The following DGKI variants were observed in gnomAD, a reference collection of about 807,000 sequenced individuals.
DGKI encodes the protein diacylglycerol kinase iota, also known as DAG kinase iota.
Under a neutral mutation model 147.5 loss-of-function variants are expected in DGKI, and 55 were observed. The ratio of observed to expected loss-of-function variants is 0.37; its 90% confidence interval spans 0.30 to 0.47. DGKI has a LOEUF of 0.47. DGKI is among the 20% of genes least tolerant of loss of function. The pLI is 1.00. For synonymous variants in DGKI, 469 were observed against 477.1 expected (o/e 0.98, Z 0.22); for missense variants, 1,007 against 1,323.8 (o/e 0.76, Z 3.71).
chr7:137,412,248 C>A, intron 28 of DGKI, 41 bp from the exon 29 acceptor site: 12 of 1,578,018 alleles, frequency 7.6e-6, no homozygotes, highest in Non-Finnish European at 1.0e-5. Context: ...AGTAGAAGAC[C>A]CTCTTATTAA....
chr7:137,421,300 T>C (rs985649284), intron 28 of DGKI, among the ~76,000 whole-genome samples: 8 of 152,256 alleles, frequency 5.3e-5, no homozygotes, highest in African/African-American at 1.9e-4. Flanking sequence ...CAAATCCATC[T>C]TAGATTGTGT....
chr7:137,423,048 T>C (rs1812643066), intron 28 of DGKI, among the ~76,000 whole-genome samples: 1 of 152,228 alleles, frequency 6.6e-6, no homozygotes, highest in African/African-American at 2.4e-5. Flanking sequence ...GTTCTAGTAC[T>C]CTGAAGGTCC....
chr7:137,672,644 C>A (rs1430210948), intron 3 of DGKI, among the ~76,000 whole-genome samples: 1 of 152,100 alleles, frequency 6.6e-6, no homozygotes, highest in East Asian at 1.9e-4. Context: ...AATTTCATGC[C>A]TGTCTCTTAG....
intron 3 of DGKI, among the ~76,000 whole-genome samples, chr7:137,659,485 A>C (rs889864333): frequency 6.6e-6 from 1 of 152,206 alleles, no homozygotes; most frequent in Admixed American, 6.5e-5. Context: ...GCAATTTTTC[A>C]TTTTTAAGTT....
In DGKI at chr7:137,799,327, G is replaced by T. The variant is rs1797126690; in HGVS notation, c.401+47135C>A. Reference sequence around the variant, plus strand: ...TAGGCCAATATACAGATAGAAAGTAGATTAGTGTTTGCCAGGGACTGTGGG... The same window carrying T: ...TAGGCCAATATACAGATAGAAAGTATATTAGTGTTTGCCAGGGACTGTGGG... On this transcript the variant is annotated intron_variant, in intron 1 of 32. Transcript: ENST00000614521. Among the ~76,000 whole-genome samples, 3 of 152,150 alleles carry T rather than the reference G, an allele frequency of 2.0e-5. No individual in the cohort carries two copies. In the South Asian group the frequency reaches 6.2e-4, roughly 32 times the overall value.
At chr7:137,395,220 C>T (rs1811505278) in intron 32 of DGKI, among the ~76,000 whole-genome samples, 1 of 152,152 alleles carries the variant, frequency 6.6e-6, no homozygotes, top group Non-Finnish European at 1.5e-5. Flanking sequence ...GGAGTAAGTA[C>T]TGAAGGAAAA....
chr7:137,681,937 C>A (rs1823251379), intron 2 of DGKI, among the ~76,000 whole-genome samples: 1 of 152,236 alleles, frequency 6.6e-6, no homozygotes, highest in Admixed American at 6.5e-5. Context: ...CAGGACCAAC[C>A]CCCACTTAAA....
chr7:137,642,916 T>C (rs1236402312), intron 6 of DGKI, among the ~76,000 whole-genome samples: 3 of 139,416 alleles, frequency 2.2e-5, no homozygotes, highest in Non-Finnish European at 3.1e-5. Context: ...TCCCAATGAG[T>C]AAATTATGGA....
chr7:137,445,348 C>T (rs887521800), intron 27 of DGKI, among the ~76,000 whole-genome samples: 4 of 152,200 alleles, frequency 2.6e-5, no homozygotes, highest in Non-Finnish European at 4.4e-5. Flanking sequence ...TAGACTTTTT[C>T]ATGAAAACTA....
At chr7:137,679,807 G>C (rs1040483313) in intron 2 of DGKI, among the ~76,000 whole-genome samples, 1 of 151,790 alleles carries the variant, frequency 6.6e-6, no homozygotes, top group African/African-American at 2.4e-5. Context: ...GGCCAACATG[G>C]TGAAACCTCA....
intron 21 of DGKI, among the ~76,000 whole-genome samples, chr7:137,517,111 G>A (rs1200124841): frequency 6.6e-6 from 1 of 150,722 alleles, no homozygotes; most frequent in Non-Finnish European, 1.5e-5. Context: ...GTAATTATGA[G>A]TAAAACAACA....
intron 8 of DGKI, among the ~76,000 whole-genome samples, chr7:137,610,078 T>G (rs1820315221): frequency 1.3e-5 from 2 of 152,078 alleles, no homozygotes; most frequent in African/African-American, 4.8e-5. Context: ...CTTAGTTTAC[T>G]CTTTTGGTAA....
At chr7:137,411,802 G>T (rs118097378) in intron 29 of DGKI, among the ~76,000 whole-genome samples, 303 of 152,320 alleles carry the variant, frequency 2.0e-3, no homozygotes, top group Non-Finnish European at 3.8e-3. Context: ...GACAAGGAAA[G>T]ATTAATCTCT....
chr7:137,531,748 C>T lies in DGKI; in HGVS notation c.2148-9782G>A, dbSNP rs562976345. Among the ~76,000 whole-genome samples, 6 of 152,288 alleles carry T rather than the reference C, an allele frequency of 3.9e-5. No individual in the cohort carries two copies. The South Asian group carries it at 1.2e-3, about 32-fold the overall frequency. On this transcript the variant is annotated intron_variant, in intron 20 of 32. Coordinates refer to ENST00000614521, the MANE Select transcript of DGKI (RefSeq NM_001321708.2). ...TTCTTATTTGCAACCGATAAATTCA[C>T]TTTCGTTGCTAAAAAAGGGTGTGGA...
chr7:137,533,882 T>C (rs1817427651), intron 20 of DGKI, among the ~76,000 whole-genome samples: 2 of 152,308 alleles, frequency 1.3e-5, no homozygotes, highest in Admixed American at 1.3e-4. Flanking sequence ...GCTATAACTT[T>C]GGAACTTGGT....
At chr7:137,717,642 T>C (rs1795192562) in intron 1 of DGKI, among the ~76,000 whole-genome samples, 1 of 152,210 alleles carries the variant, frequency 6.6e-6, no homozygotes, top group Admixed American at 6.5e-5. Flanking sequence ...TTATTTCTAA[T>C]ATTTGCATAT....
intron 1 of DGKI, among the ~76,000 whole-genome samples, chr7:137,823,158 C>T (rs1009443661): frequency 6.6e-6 from 1 of 151,212 alleles, no homozygotes. Context: ...TGTACCTATA[C>T]AAAGTACACC....
intron 1 of DGKI, among the ~76,000 whole-genome samples, chr7:137,805,159 C>T (rs758326880): frequency 2.6e-5 from 4 of 152,136 alleles, no homozygotes; most frequent in Non-Finnish European, 5.9e-5. Context: ...CCTTCTCCCT[C>T]GTTTTATTTA....
intron 2 of DGKI, among the ~76,000 whole-genome samples, chr7:137,684,071 A>C (rs1253953687): frequency 3.3e-5 from 5 of 152,234 alleles, no homozygotes; most frequent in Admixed American, 2.6e-4. Flanking sequence ...GAGAATTATA[A>C]ATATGTATCC....
Sources: allele counts gnomAD v4.1 joint callset (sites outside exome capture counted in the v4.1 genomes callset), GRCh38; gene constraint gnomAD v4.1.1; transcripts MANE v1.5; gene names NCBI Gene and HGNC (gene_info 2026-07-23, HGNC 2026-07-21).